The following GLI2 variants were observed in gnomAD, a reference collection of about 807,000 sequenced individuals.
GLI2 encodes transcription activator GLI2.
Under a neutral mutation model 78.9 loss-of-function variants are expected in GLI2, and 22 were observed. That is an observed-to-expected ratio of 0.28 (90% CI 0.20 to 0.40). The LOEUF is 0.40. GLI2 is among the 10% of genes least tolerant of loss of function. GLI2 has a pLI of 1.00. For synonymous variants in GLI2, 974 were observed against 963.7 expected (o/e 1.01, Z -0.20); for missense variants, 2,097 against 2,213.2 (o/e 0.95, Z 1.05).
chr2:120,897,254 T>A (rs185726188), intron 2 of GLI2, among the ~76,000 whole-genome samples: 4 of 152,380 alleles, frequency 2.6e-5, no homozygotes, highest in Non-Finnish European at 1.5e-5. Context: ...GATTCCATCC[T>A]TTGAGTCCTA....
intron 3 of GLI2, among the ~76,000 whole-genome samples, chr2:120,928,887 C>G (rs1045021344): frequency 6.6e-6 from 1 of 152,222 alleles, no homozygotes; most frequent in Admixed American, 6.5e-5. Flanking sequence ...CCAAGACTGA[C>G]AGAATGCTCT....
At chr2:120,847,900 A>C (rs1380925987) in intron 2 of GLI2, among the ~76,000 whole-genome samples, 1 of 152,112 alleles carries the variant, frequency 6.6e-6, no homozygotes, top group Non-Finnish European at 1.5e-5. Context: ...AATCCCAGAA[A>C]GGGAGAAACC....
chr2:120,972,165 C>T (rs1573706032), intron 8 of GLI2, 102 bp downstream of exon 8: 1 of 1,326,460 alleles, frequency 7.5e-7, no homozygotes, highest in Non-Finnish European at 1.1e-6. Context: ...TGGCTGGCTG[C>T]CTGCATGGAT....
At chr2:120,793,617 G>A (rs1038062809) in intron 1 of GLI2, among the ~76,000 whole-genome samples, 3 of 152,144 alleles carry the variant, frequency 2.0e-5, no homozygotes, top group Non-Finnish European at 4.4e-5. Context: ...CTTCTTCTCC[G>A]GGAAGTGGTG....
chr2:120,796,189 C>T (rs1684384964), intron 1 of GLI2, among the ~76,000 whole-genome samples: 1 of 152,214 alleles, frequency 6.6e-6, no homozygotes. Context: ...GCCCCGAATC[C>T]CGCTGGGTGT....
chr2:120,939,273 C>G (rs1479700452), intron 3 of GLI2, among the ~76,000 whole-genome samples: 1 of 151,830 alleles, frequency 6.6e-6, no homozygotes, highest in Non-Finnish European at 1.5e-5. Flanking sequence ...GAGCGAAACT[C>G]CATCTCAGAA....
chr2:120,740,424 C>A (rs1175393864), intron 1 of GLI2, among the ~76,000 whole-genome samples: 1 of 140,728 alleles, frequency 7.1e-6, no homozygotes, highest in Non-Finnish European at 1.5e-5. Flanking sequence ...TGTGCTTGCA[C>A]ATGTGTGTTG....
intron 2 of GLI2, among the ~76,000 whole-genome samples, chr2:120,834,771 C>A (rs1255672504): frequency 6.6e-6 from 1 of 152,108 alleles, no homozygotes; most frequent in Non-Finnish European, 1.5e-5. Flanking sequence ...TGATGGCTAC[C>A]GTGTCATCCA....
chr2:120,749,101 C>T (rs1682785419), intron 1 of GLI2, among the ~76,000 whole-genome samples: 1 of 152,232 alleles, frequency 6.6e-6, no homozygotes, highest in African/African-American at 2.4e-5. Flanking sequence ...CCTACCACAG[C>T]CCTAGGCTCT....
In GLI2 at chr2:120,990,723, CCA is replaced by C. The variant is rs772893195; in HGVS notation, c.*49_*50del. The C allele has an allele frequency of 3.5e-5, 52 of 1,498,124 alleles. No homozygotes were observed. Among genetic ancestry groups the C allele is most frequent in the Non-Finnish European group, 4.1e-5 (45 of 1,092,882 alleles). 92.8% of individuals were successfully genotyped at this position (1,498,124 alleles called of 1,614,324 possible). On this transcript the variant is annotated 3_prime_UTR_variant, in exon 14 of 14. Coordinates refer to ENST00000361492, the MANE Select transcript of GLI2 (RefSeq NM_001374353.1). ...GTGCACCCGGAGGGGTCATCGCTGC[CCA>C]GAGCCTGGGGATTCCAGCTGTCTTG... is the stretch of plus-strand genomic sequence containing the variant.
At chr2:120,853,281 GC>G (rs1256492209) in intron 2 of GLI2, among the ~76,000 whole-genome samples, 3 of 152,174 alleles carry the variant, frequency 2.0e-5, no homozygotes, top group Non-Finnish European at 2.9e-5. Context: ...GCATGGGGCT[GC>G]CAAGAGCAGT....
chr2:120,789,721 C>G (rs976398675), intron 1 of GLI2, among the ~76,000 whole-genome samples: 2 of 152,240 alleles, frequency 1.3e-5, no homozygotes, highest in Admixed American at 1.3e-4. Context: ...TGGAGCCTGG[C>G]AGGCATCTGT....
chr2:120,905,862 A>G (rs995180350), intron 2 of GLI2, among the ~76,000 whole-genome samples: 10 of 146,262 alleles, frequency 6.8e-5, no homozygotes, highest in South Asian at 2.1e-4. Flanking sequence ...GGGGAGGGCT[A>G]CACTGCCCCC....
In GLI2 at chr2:120,982,644, G is replaced by A. The variant is rs113032961; in HGVS notation, c.1468-72G>A. ...TGGAGCAGAGCAGAGAAGGGGGTGGGGAGGAAGCAGCAGCCGGCCTCAAGG... is the reference window on the plus strand; with the variant it reads ...TGGAGCAGAGCAGAGAAGGGGGTGGAGAGGAAGCAGCAGCCGGCCTCAAGG... On this transcript the variant is annotated intron_variant, in intron 10 of 13. Coordinates refer to ENST00000361492, the MANE Select transcript of GLI2 (RefSeq NM_001374353.1). The A allele has an allele frequency of 5.2e-3, 6,874 of 1,332,400 alleles. 44 individuals are homozygous for A. The highest frequency in any genetic ancestry group is 4.8e-3 in the Non-Finnish European group (4,542 of 941,526). 82.5% of individuals were successfully genotyped at this position (1,332,400 alleles called of 1,614,324 possible).
chr2:120,906,515 C>T (rs1678541048), intron 2 of GLI2, among the ~76,000 whole-genome samples: 2 of 152,120 alleles, frequency 1.3e-5, no homozygotes, highest in Non-Finnish European at 2.9e-5. Flanking sequence ...TCCCCAGGCT[C>T]TAGCTCCAGC....
chr2:120,875,201 T>C (rs911451338), intron 2 of GLI2, among the ~76,000 whole-genome samples: 9 of 152,262 alleles, frequency 5.9e-5, no homozygotes, highest in African/African-American at 1.9e-4. Context: ...GCATGTGCCA[T>C]GCATGTCAGC....
intron 2 of GLI2, among the ~76,000 whole-genome samples, chr2:120,860,307 G>A (rs1687847128): frequency 1.3e-5 from 2 of 152,162 alleles, no homozygotes; most frequent in Admixed American, 1.3e-4. Context: ...TACCCCCAAG[G>A]AGCTGCATGA....
intron 5 of GLI2, among the ~76,000 whole-genome samples, chr2:120,961,236 C>T (rs767848478): frequency 2.0e-5 from 3 of 152,144 alleles, no homozygotes; most frequent in Non-Finnish European, 2.9e-5. Flanking sequence ...TCCATTCTGA[C>T]GCCTGTTCTT....
At chr2:120,874,560 C>A (rs1452922473) in intron 2 of GLI2, among the ~76,000 whole-genome samples, 1 of 152,176 alleles carries the variant, frequency 6.6e-6, no homozygotes, top group Non-Finnish European at 1.5e-5. Flanking sequence ...TGTAGACAGG[C>A]CGGCGTTGAA....
Sources: allele counts gnomAD v4.1 joint callset (sites outside exome capture counted in the v4.1 genomes callset), GRCh38; gene constraint gnomAD v4.1.1; transcripts MANE v1.5; gene names NCBI Gene and HGNC (gene_info 2026-07-23, HGNC 2026-07-21).